DHX29: variants seen among roughly 807,000 people sequenced by gnomAD.
DHX29 encodes DExH-box helicase 29, also known as ATP-dependent RNA helicase DHX29.
Under a neutral mutation model 167.9 loss-of-function variants are expected in DHX29, and 79 were observed. The ratio of observed to expected loss-of-function variants is 0.47; its 90% CI spans 0.39 to 0.57. The LOEUF (loss-of-function observed/expected upper bound fraction) is 0.57, where lower values mean the gene tolerates loss of function less well. Ranked by LOEUF, DHX29 falls within the 20% of genes least tolerant of loss-of-function variation. The pLI, the probability that DHX29 is intolerant of heterozygous loss-of-function variation, is 0.00. For synonymous variants in DHX29, 530 were observed against 546.0 expected (o/e 0.97, Z 0.41); for missense variants, 1,347 against 1,593.4 (o/e 0.85, Z 2.63).
chr5:55,304,503 G>A (rs963304495), intron 1 of DHX29, among the ~76,000 whole-genome samples: 22 of 151,440 alleles, frequency 1.5e-4, no homozygotes, highest in Non-Finnish European at 2.7e-4. Context: ...TAGTAGAGAC[G>A]GGGTTTCACC....
rs1205463035 is a variant in DHX29 at position 55,260,161 on chromosome 5, T to G, written c.3961-217A>C. ...GTAACTCTTCCCAAAATAAGGCAAC[T>G]ATTACTCCAATAATTGTTTTCTTCT... On this transcript the variant is annotated intron_variant, in intron 25 of 26. Coordinates refer to ENST00000251636, the MANE Select transcript of DHX29 (RefSeq NM_019030.4). Among the ~76,000 whole-genome samples the G allele has an allele frequency of 2.6e-5, 4 of 152,218 alleles. No homozygotes were observed. In the East Asian group the frequency reaches 5.8e-4, roughly 22 times the overall value.
chr5:55,286,961 G>A (rs753559166), intron 8 of DHX29, among the ~76,000 whole-genome samples: 3 of 152,178 alleles, frequency 2.0e-5, no homozygotes, highest in Non-Finnish European at 4.4e-5. Context: ...CAGAGTAAAT[G>A]TCATTACAGC....
intron 1 of DHX29, among the ~76,000 whole-genome samples, chr5:55,303,153 A>G (rs1561173627): frequency 6.6e-6 from 1 of 152,172 alleles, no homozygotes; most frequent in Non-Finnish European, 1.5e-5. Context: ...TTGCCCAATA[A>G]TCTTTTCTTT....
rs1309798207 is a variant in DHX29, at chr5:55,285,789, T to C, written c.1139A>G (p.Lys380Arg). The change falls in exon 9 of 27, where the codon AAA becomes AGA. Residue 380 changes from lysine to arginine, a missense_variant. By Grantham distance (26) the Lys-to-Arg change is conservative. Transcript: ENST00000251636. ...CCTGACCCAATCAATCAGAAATTGT[T>C]TGGGAGATTTTCCAGTCCAACTTCG... ...TARSWTGKSP[K>R]QFLIDWVRKN... The C allele has an allele frequency of 6.2e-7, 1 of 1,605,248 alleles. No individual in the cohort carries two copies. The highest frequency in any genetic ancestry group is 8.5e-7 in the Non-Finnish European group (1 of 1,173,696).
At chr5:55,279,597 T>TC (rs1169363749) in intron 12 of DHX29, 2 of 152,586 alleles carry the variant, frequency 1.3e-5, no homozygotes, top group African/African-American at 4.8e-5. Context: ...AGCCTTGACC[T>TC]CCCAGGCTCA....
chr5:55,295,808 T>C (rs1748293051), intron 4 of DHX29, among the ~76,000 whole-genome samples: 2 of 152,336 alleles, frequency 1.3e-5, no homozygotes, highest in South Asian at 4.1e-4. Context: ...CTTCCCACTC[T>C]TTGGCTTTCT....
At chr5:55,278,412 T>C (rs916917665) in intron 12 of DHX29, among the ~76,000 whole-genome samples, 45 of 152,212 alleles carry the variant, frequency 3.0e-4, no homozygotes, top group African/African-American at 1.1e-3. Flanking sequence ...ATTTAAATAT[T>C]CTGGGTCTAT....
Position 55,274,675 on chromosome 5 carries a change from G to A in DHX29, c.2629C>T (p.Leu877Phe), listed in dbSNP as rs1254485457. The A allele has an allele frequency of 1.2e-6, 2 of 1,604,620 alleles. No individual in the cohort carries two copies. The highest frequency in any genetic ancestry group is 1.7e-5 in the Admixed American group (1 of 57,764). ...TCATACAACTGCTGAATATGAGCAA[G>A]TCCTGGTAAAAAGATCAATACTGCT... ...EGAVLIFLPG[L>F]AHIQQLYDLL... Residue 877 changes from leucine to phenylalanine, a missense_variant, in exon 16 of 27, where the codon CTT (leucine) becomes TTT (phenylalanine). By Grantham distance (22) the Leu-to-Phe change is conservative (BLOSUM62 0). This residue lies in a region of DHX29 where 882 missense variants were observed against 1,082.4 expected (regional missense o/e 0.81). Transcript: ENST00000251636.
Sources: gnomAD v4.1 joint callset for allele counts (sites outside exome capture counted in the v4.1 genomes callset) on GRCh38, gnomAD v4.1.1 for gene constraint, gnomAD v4.1.1 regional missense constraint, MANE v1.5 for transcripts, NCBI Gene and HGNC (gene_info 2026-07-23, HGNC 2026-07-21) for gene names.